TSHZ3: variants seen among roughly 807,000 people sequenced by gnomAD.
TSHZ3 encodes teashirt zinc finger homeobox 3, also known as teashirt homolog 3.
TSHZ3 carries 10 observed loss-of-function variants against 64.5 expected under a neutral mutation model. The observed-to-expected ratio is 0.16, with a 90% confidence interval of 0.10 to 0.26. TSHZ3 has a LOEUF of 0.26. Ranked by LOEUF, TSHZ3 falls within the 10% of genes least tolerant of loss-of-function variation. TSHZ3 has a pLI of 1.00. For synonymous variants in TSHZ3, 608 were observed against 593.1 expected (o/e 1.03, Z -0.36); for missense variants, 1,242 against 1,421.7 (o/e 0.87, Z 2.03).
intron 1 of TSHZ3, among the ~76,000 whole-genome samples, chr19:31,348,449 A>C (rs1318110151): frequency 6.8e-6 from 1 of 147,948 alleles, no homozygotes; most frequent in Non-Finnish European, 1.5e-5. Context: ...AGGAGTTGAC[A>C]CTCCCGGTTA....
intron 1 of TSHZ3, among the ~76,000 whole-genome samples, chr19:31,321,200 G>A (rs930556008): frequency 6.6e-6 from 1 of 152,136 alleles, no homozygotes; most frequent in Admixed American, 6.5e-5. Flanking sequence ...TAATGTCTAA[G>A]TTCATCCTCT....
chr19:31,180,167 C>T (rs995150871), intron 5 of TSHZ3, among the ~76,000 whole-genome samples: 2 of 152,126 alleles, frequency 1.3e-5, no homozygotes, highest in South Asian at 2.1e-4. Context: ...TAGACTAGGG[C>T]TTGGCAGTGT....
intron 1 of TSHZ3, among the ~76,000 whole-genome samples, chr19:31,295,533 T>C (rs940788972): frequency 5.3e-5 from 8 of 152,174 alleles, no homozygotes; most frequent in Non-Finnish European, 1.0e-4. Context: ...AAATATTTTA[T>C]GAATTCATTT....
At position 31,228,704 on chromosome 19, in the gene TSHZ3, T is replaced by C. The variant is rs540541397; in HGVS notation, n.551-564A>G. Among the ~76,000 whole-genome samples the C allele has an allele frequency of 5.3e-5, 8 of 152,242 alleles. No individual in the cohort carries two copies. In the South Asian group the frequency reaches 1.7e-3, roughly 32 times the overall value. On this transcript the variant is annotated intron_variant and non_coding_transcript_variant, in intron 3 of 6. Transcript: ENST00000651361. ...TTACTAGCACCTTCCCATGGACAGA[T>C]TGCAGAGAGTGGTGTTCAGATTTTA...
At chr19:31,154,478 G>A (rs35016096) in intron 6 of TSHZ3, among the ~76,000 whole-genome samples, 2,536 of 152,216 alleles carry the variant, frequency 0.017, 33 homozygotes, top group Middle Eastern at 0.058. Context: ...AGAACCACCT[G>A]ACTAAGTGTT....
intron 4 of TSHZ3, among the ~76,000 whole-genome samples, chr19:31,209,966 G>A (rs1975242406): frequency 6.6e-6 from 1 of 152,122 alleles, no homozygotes; most frequent in African/African-American, 2.4e-5. Flanking sequence ...TGAGCCATGT[G>A]GAAGCATGAA....
chr19:31,291,869 C>A (rs573854754), intron 1 of TSHZ3, among the ~76,000 whole-genome samples: 1 of 152,180 alleles, frequency 6.6e-6, no homozygotes, highest in South Asian at 2.1e-4. Context: ...TCAGCCAGCC[C>A]GGTGCTGGGC....
chr19:31,179,928 T>C (rs1156271312), intron 5 of TSHZ3, among the ~76,000 whole-genome samples: 3 of 152,070 alleles, frequency 2.0e-5, no homozygotes, highest in Non-Finnish European at 4.4e-5. Flanking sequence ...CTCTCAACCT[T>C]CACACGAGCC....
intron 1 of TSHZ3, among the ~76,000 whole-genome samples, chr19:31,292,363 T>C (rs1047094332): frequency 2.0e-5 from 3 of 152,292 alleles, no homozygotes; most frequent in East Asian, 3.9e-4. Flanking sequence ...TGCCTGCCTA[T>C]ACACTTGGTG....
At chr19:31,243,189 T>C (rs1163701875) in intron 1 of TSHZ3, among the ~76,000 whole-genome samples, 1 of 152,168 alleles carries the variant, frequency 6.6e-6, no homozygotes, top group Non-Finnish European at 1.5e-5. Flanking sequence ...CTACTGACTG[T>C]TTATATGGAT....
At chr19:31,242,355 C>T (rs1975702980) in exon 3 of TSHZ3, among the ~76,000 whole-genome samples, 1 of 152,176 alleles carries the variant, frequency 6.6e-6, no homozygotes, top group African/African-American at 2.4e-5. Context: ...AGTCCAAGTC[C>T]AAAAGCCTCA....
In TSHZ3 at chr19:31,166,634, A is replaced by G. The variant is rs16960576; in HGVS notation, n.810-10217T>C. On this transcript the variant is annotated intron_variant and non_coding_transcript_variant, in intron 5 of 6. Coordinates refer to the TSHZ3 transcript ENST00000651361. ...ATGAACATGACCCTTTGGTGATCAT[A>G]TTAGGCTTTGGGTTCACAGGAAGCC... is the stretch of plus-strand genomic sequence containing the variant. Among the ~76,000 whole-genome samples, 606 of 152,288 alleles carry G rather than the reference A, an allele frequency of 4.0e-3. 15 individuals carry two copies. In the East Asian group the frequency reaches 0.083, roughly 21 times the overall value.
chr19:31,180,858 G>A (rs949101772), intron 5 of TSHZ3, among the ~76,000 whole-genome samples: 7 of 152,156 alleles, frequency 4.6e-5, no homozygotes, highest in African/African-American at 1.7e-4. Flanking sequence ...TCACGCTGGG[G>A]CAGGCATGTA....
chr19:31,186,529 A>C (rs4805648), intron 5 of TSHZ3, among the ~76,000 whole-genome samples: 109,379 of 152,146 alleles, frequency 0.72, 39,866 homozygotes, highest in African/African-American at 0.85. Flanking sequence ...GGGGCCTCCC[A>C]AGCCATGCTG....
upstream of TSHZ3, chr19:31,349,542 G>C (rs1207566718): frequency 3.2e-6 from 1 of 310,246 alleles, no homozygotes; most frequent in Non-Finnish European, 5.9e-6. Flanking sequence ...CCGGCGGAAT[G>C]GGAAGTTTGA....
intron 3 of TSHZ3, among the ~76,000 whole-genome samples, chr19:31,241,425 GTTGAGAATCAA>G (rs1359610068): frequency 6.6e-6 from 1 of 152,078 alleles, no homozygotes; most frequent in Non-Finnish European, 1.5e-5. Flanking sequence ...CTCTAATAAG[GTTGAGAATCAA>G]GCATCCAGCC....
At position 31,277,092 on chromosome 19, in the gene TSHZ3, G is replaced by T; in HGVS notation, c.2701C>A (p.Gln901Lys). ...RKGRQSNWNPQHLLILQAQFA... is the reference protein window; with the variant it reads ...RKGRQSNWNPKHLLILQAQFA... Reference sequence around the variant, plus strand: ...TGGGCCTGGAGGATCAGGAGGTGCTGGGGGTTCCAGTTTGACTGGCGGCCC... The same window carrying T: ...TGGGCCTGGAGGATCAGGAGGTGCTTGGGGTTCCAGTTTGACTGGCGGCCC... The change falls in exon 2 of 2, where the codon CAG (glutamine) becomes AAG (lysine). Residue 901 changes from glutamine (Q) to lysine (K), a missense_variant. Gln to Lys is a moderately conservative substitution (Grantham distance 53). Around this residue, in one of 4 missense-constraint regions of TSHZ3, gnomAD observed 550 missense variants for 545.1 expected, o/e 1.01. Transcript: ENST00000240587. This position sits in a 1 kb window ranked among gnomAD's most constrained non-coding sequence, Gnocchi z 4.5. The T allele has an allele frequency of 6.2e-7, 1 of 1,605,000 alleles. No homozygotes were observed. The highest frequency in any genetic ancestry group is 8.5e-7 in the Non-Finnish European group (1 of 1,174,798).
At chr19:31,322,644 T>C (rs1051402318) in intron 1 of TSHZ3, among the ~76,000 whole-genome samples, 4 of 151,304 alleles carry the variant, frequency 2.6e-5, no homozygotes, top group African/African-American at 9.7e-5. Context: ...GGTCTCGAAC[T>C]GCTAGCCTCA....
chr19:31,155,025 T>C (rs1343903714), intron 6 of TSHZ3, among the ~76,000 whole-genome samples: 1 of 152,176 alleles, frequency 6.6e-6, no homozygotes, highest in Admixed American at 6.5e-5. Context: ...GGAAGAGAAG[T>C]CCTGAAAGCA....
Sources: gnomAD v4.1 joint callset for allele counts (sites outside exome capture counted in the v4.1 genomes callset) on GRCh38, gnomAD v4.1.1 for gene constraint, gnomAD v4.1.1 regional missense constraint, Gnocchi (gnomAD v3.1) non-coding constraint, MANE v1.5 for transcripts, NCBI Gene and HGNC (gene_info 2026-07-23, HGNC 2026-07-21) for gene names.